YEATS4: variants seen among roughly 807,000 people sequenced by gnomAD.
YEATS4 encodes the protein YEATS domain containing 4.
Under a neutral mutation model 30.1 loss-of-function variants are expected in YEATS4, and 17 were observed. That is an observed-to-expected ratio of 0.56 (90% CI 0.39 to 0.85). The LOEUF (loss-of-function observed/expected upper bound fraction) is 0.85, where lower values mean the gene tolerates loss of function less well. YEATS4 is among the 40% of genes least tolerant of loss of function. YEATS4 has a pLI of 0.00. For synonymous variants in YEATS4, 85 were observed against 87.5 expected, an observed-to-expected ratio of 0.97 and a Z score of 0.16; for missense variants, 142 against 268.3, an observed-to-expected ratio of 0.53 and a Z score of 3.29.
intron 6 of YEATS4, among the ~76,000 whole-genome samples, chr12:69,379,583 ATTTTTTTT>A (rs61048163): frequency 4.8e-4 from 35 of 72,292 alleles, no homozygotes; most frequent in Non-Finnish European, 7.7e-4. Context: ...TGCCCAGCTA[ATTTTTTTT>A]TTTTTTTTTT....
intron 6 of YEATS4, among the ~76,000 whole-genome samples, chr12:69,389,109 T>G (rs1470045615): frequency 6.6e-6 from 1 of 152,164 alleles, no homozygotes; most frequent in Non-Finnish European, 1.5e-5. Context: ...TTGCCACCTA[T>G]TTGAAAAAAA....
chr12:69,382,221 A>G (rs1876107093), intron 6 of YEATS4, among the ~76,000 whole-genome samples: 3 of 152,202 alleles, frequency 2.0e-5, no homozygotes, highest in Admixed American at 6.5e-5. Context: ...CCCAATCTCC[A>G]AGCCAAATAA....
At chr12:69,401,470 G>A in the YEATS4 span, among the ~76,000 whole-genome samples, 3 of 152,268 alleles carry the variant, frequency 2.0e-5, no homozygotes, top group African/African-American at 2.4e-5. Flanking sequence ...ATGAGAACTC[G>A]ACCTTTGGTG....
chr12:69,401,542 T>C, the YEATS4 span, among the ~76,000 whole-genome samples: 2 of 152,180 alleles, frequency 1.3e-5, no homozygotes, highest in Admixed American at 1.3e-4. Flanking sequence ...CTGCAGGGAG[T>C]CCTGGAAGGA....
chr12:69,417,697 G>A, the YEATS4 span, among the ~76,000 whole-genome samples: 1 of 152,112 alleles, frequency 6.6e-6, no homozygotes, highest in Non-Finnish European at 1.5e-5. Context: ...CCCACGTACT[G>A]TGTTTCTGTG....
chr12:69,410,667 C>A, the YEATS4 span, among the ~76,000 whole-genome samples: 3 of 152,054 alleles, frequency 2.0e-5, no homozygotes, highest in Admixed American at 2.0e-4. Context: ...TTTGAGTCGC[C>A]GGAGGATAGA....
chr12:69,415,242 C>T, the YEATS4 span, among the ~76,000 whole-genome samples: 4 of 152,176 alleles, frequency 2.6e-5, no homozygotes, highest in Admixed American at 2.6e-4. Context: ...GGCAAAAGTC[C>T]AGTGTACTCA....
chr12:69,406,312 A>G, the YEATS4 span, among the ~76,000 whole-genome samples: 59 of 152,282 alleles, frequency 3.9e-4, 2 homozygotes, highest in South Asian at 0.012. Flanking sequence ...AAAGTATTAC[A>G]TCAATTTTGT....
At chr12:69,400,374 C>T in the YEATS4 span, among the ~76,000 whole-genome samples, 1 of 151,736 alleles carries the variant, frequency 6.6e-6, no homozygotes, top group East Asian at 1.9e-4. Context: ...TCTAATAATA[C>T]TCAATAAAAT....
chr12:69,390,094 A>G (rs1296486988), intron 6 of YEATS4, 53 bp from the exon 7 acceptor site: 4 of 1,421,994 alleles, frequency 2.8e-6, no homozygotes, highest in South Asian at 1.4e-5. Flanking sequence ...ACCCTGTCAT[A>G]TATCTTAAAC....
At chr12:69,361,973 T>C (rs1036274699) in intron 1 of YEATS4, among the ~76,000 whole-genome samples, 6 of 152,008 alleles carry the variant, frequency 3.9e-5, no homozygotes, top group Non-Finnish European at 8.8e-5. Context: ...AAAGCCTCTT[T>C]CTAAGCGTTA....
At chr12:69,376,999 A>G (rs777597355) in intron 6 of YEATS4, among the ~76,000 whole-genome samples, 61 of 152,196 alleles carry the variant, frequency 4.0e-4, no homozygotes, top group Non-Finnish European at 4.0e-4. Flanking sequence ...ATAATTGCTC[A>G]TAGTGGCCAC....
chr12:69,362,612 G>A lies in YEATS4; in HGVS notation c.52-176G>A, dbSNP rs561084035. Among the ~76,000 whole-genome samples the A allele has an allele frequency of 3.3e-5, 5 of 152,236 alleles. No individual in the cohort carries two copies. The South Asian group carries it at 6.2e-4, about 19-fold the overall frequency. ...GAGGGAACATTGTAATTATTCTGGC[G>A]TTTTTTGTGTTAATATGAAAGGATG... On this transcript the variant is annotated intron_variant, in intron 1 of 6. Transcript: ENST00000247843.
chr12:69,383,119 C>A (rs1338764776), intron 6 of YEATS4, among the ~76,000 whole-genome samples: 2 of 152,116 alleles, frequency 1.3e-5, no homozygotes, highest in African/African-American at 4.8e-5. Flanking sequence ...TTTTAATTTT[C>A]TGGGTGTGGT....
chr12:69,425,740 A>G, the YEATS4 span, among the ~76,000 whole-genome samples: 1 of 152,146 alleles, frequency 6.6e-6, no homozygotes, highest in Non-Finnish European at 1.5e-5. Context: ...GGTGCAAAGG[A>G]GCCCACACGT....
the YEATS4 span, among the ~76,000 whole-genome samples, chr12:69,419,836 T>C: frequency 6.6e-6 from 1 of 152,076 alleles, no homozygotes; most frequent in Non-Finnish European, 1.5e-5. Context: ...AAGGCCTCAG[T>C]GAATGCTGGG....
chr12:69,377,932 G>A (rs1875930810), intron 6 of YEATS4, among the ~76,000 whole-genome samples: 2 of 152,188 alleles, frequency 1.3e-5, no homozygotes, highest in South Asian at 4.1e-4. Context: ...GTTCAGTGCT[G>A]AAAGTTGGAT....
intron 4 of YEATS4, among the ~76,000 whole-genome samples, chr12:69,369,204 CAT>C (rs1316341112): frequency 2.0e-5 from 3 of 152,204 alleles, no homozygotes; most frequent in Admixed American, 1.3e-4. Context: ...CTGTGCATCT[CAT>C]ATATTTAAAT....
At chr12:69,376,532 C>T (rs73151676) in intron 6 of YEATS4, among the ~76,000 whole-genome samples, 19,201 of 152,176 alleles carry the variant, frequency 0.13, 1,552 homozygotes, top group Non-Finnish European at 0.18. Context: ...TCATGTTGAG[C>T]GATTCTTACA....
Sources: allele counts gnomAD v4.1 joint callset (sites outside exome capture counted in the v4.1 genomes callset), GRCh38; gene constraint gnomAD v4.1.1; transcripts MANE v1.5; gene names NCBI Gene and HGNC (gene_info 2026-07-23, HGNC 2026-07-21).